Variants in PKHD1 observed in about 807,000 individuals in gnomAD.
PKHD1 encodes the protein fibrocystin.
Under a neutral mutation model 412.0 loss-of-function variants are expected in PKHD1, and 291 were observed. The ratio of observed to expected loss-of-function variants is 0.71; its 90% CI spans 0.64 to 0.78. The LOEUF (loss-of-function observed/expected upper bound fraction) is 0.78, where lower values mean the gene tolerates loss of function less well. PKHD1 is among the 30% of genes least tolerant of loss of function. The pLI is 0.00. For missense variants in PKHD1, 4,825 were observed against 4,950.7 expected (o/e 0.97, Z 0.76); for synonymous variants, 1,777 against 1,821.5 (o/e 0.98, Z 0.62).
rs553097124 is a variant in PKHD1, at chr6:51,685,326, CCT to C, written c.10157-25359_10157-25358del. Among the ~76,000 whole-genome samples, 13 of 152,094 alleles carry C rather than the reference CCT, an allele frequency of 8.5e-5. No homozygotes were observed. In the South Asian group the frequency reaches 2.7e-3, roughly 32 times the overall value. On this transcript the variant is annotated intron_variant, in intron 60 of 66. Coordinates refer to ENST00000371117, the MANE Select transcript of PKHD1 (RefSeq NM_138694.4). ...TTGGTCATAAAATTAACCAGATTTT[CCT>C]CTCTTTTCTTTTCCTCTTCAGCATT...
intron 60 of PKHD1, among the ~76,000 whole-genome samples, chr6:51,724,580 C>T (rs1441336947): frequency 6.6e-6 from 1 of 152,170 alleles, no homozygotes; most frequent in East Asian, 1.9e-4. Context: ...ATCTATCTAT[C>T]TATCCATCTA....
chr6:52,004,560 C>T (rs1798828106), intron 35 of PKHD1, among the ~76,000 whole-genome samples: 2 of 152,088 alleles, frequency 1.3e-5, no homozygotes, highest in South Asian at 4.1e-4. Context: ...ATGCCATGTT[C>T]TTGAAGGTGG....
Position 51,812,337 on chromosome 6 carries a change from C to T in PKHD1, c.8302+18524G>A, listed in dbSNP as rs941467425. 4.6e-5 allele frequency among the ~76,000 whole-genome samples: 7 copies of T among 152,202 alleles called. No individual in the cohort carries two copies. In the South Asian group the frequency reaches 1.2e-3, roughly 27 times the overall value. On this transcript the variant is annotated intron_variant, in intron 52 of 66. Coordinates refer to ENST00000371117, the MANE Select transcript of PKHD1 (RefSeq NM_138694.4). ...AAAGTTAAGAAACCAAAATAAAATACAATAAAAATTCTAAGCCTCCCAACC... is the reference window on the plus strand; with the variant it reads ...AAAGTTAAGAAACCAAAATAAAATATAATAAAAATTCTAAGCCTCCCAACC...
chr6:51,991,837 T>A (rs2128072688), intron 35 of PKHD1, among the ~76,000 whole-genome samples: 1 of 152,378 alleles, frequency 6.6e-6, no homozygotes, highest in East Asian at 1.9e-4. Context: ...GTTAATCTTA[T>A]GACCATTCCA....
chr6:51,866,633 T>C (rs1775103257), intron 48 of PKHD1, among the ~76,000 whole-genome samples: 1 of 152,108 alleles, frequency 6.6e-6, no homozygotes, highest in South Asian at 2.1e-4. Context: ...CACGCAGAAA[T>C]AAATATTATA....
At chr6:51,852,653 T>C (rs557267121) in intron 49 of PKHD1, among the ~76,000 whole-genome samples, 67 of 152,216 alleles carry the variant, frequency 4.4e-4, no homozygotes, top group Non-Finnish European at 9.1e-4. Context: ...CCTTTACCAT[T>C]ATGTAATACC....
At chr6:52,056,812 A>C (rs1387689444) in intron 17 of PKHD1, 24 bp from the exon 18 acceptor site, 10 of 1,597,388 alleles carry the variant, frequency 6.3e-6, no homozygotes, top group Non-Finnish European at 6.9e-6. Context: ...AAAAAATGCC[A>C]GGAATTTATA....
intron 35 of PKHD1, among the ~76,000 whole-genome samples, chr6:52,006,353 TTTGTTGTTGTTG>T (rs34912833): frequency 7.2e-6 from 1 of 139,312 alleles, no homozygotes; most frequent in South Asian, 2.4e-4. Flanking sequence ...TGGTTTGTTT[TTTGTTGTTGTTG>T]TTGTTGTTGT....
At chr6:51,964,460 G>A (rs1428828848) in intron 35 of PKHD1, among the ~76,000 whole-genome samples, 4 of 152,030 alleles carry the variant, frequency 2.6e-5, no homozygotes, top group Admixed American at 2.0e-4. Flanking sequence ...TCTCCACTCC[G>A]TATCCTTCTT....
intron 34 of PKHD1, among the ~76,000 whole-genome samples, chr6:52,014,700 A>AGATGGATGGATGGATGGATG: frequency 1.2e-5 from 1 of 80,766 alleles, no homozygotes; most frequent in African/African-American, 4.6e-5. Flanking sequence ...TATACTGGAT[A>AGATGGATGGATGGATGGATG]GATGGATGGA....
At chr6:51,801,512 A>G (rs1012613189) in intron 52 of PKHD1, among the ~76,000 whole-genome samples, 5 of 97,430 alleles carry the variant, frequency 5.1e-5, no homozygotes, top group Non-Finnish European at 1.2e-4. Context: ...TACTCTGCCC[A>G]TCATTTTTTT....
intron 63 of PKHD1, among the ~76,000 whole-genome samples, chr6:51,639,295 G>A (rs1409169750): frequency 6.6e-6 from 1 of 151,848 alleles, no homozygotes; most frequent in Admixed American, 6.6e-5. Flanking sequence ...GTGGTACTGG[G>A]GTTACAGCCC....
chr6:52,022,047 G>A (rs1350140029), intron 33 of PKHD1, among the ~76,000 whole-genome samples: 6 of 152,210 alleles, frequency 3.9e-5, no homozygotes, highest in Non-Finnish European at 8.8e-5. Context: ...TATCTCAAAT[G>A]TAGTAAGGTC....
At chr6:51,864,914 G>A (rs960159804) in intron 48 of PKHD1, among the ~76,000 whole-genome samples, 11 of 151,746 alleles carry the variant, frequency 7.2e-5, no homozygotes, top group Non-Finnish European at 1.0e-4. Context: ...TACTTGTTTC[G>A]TGTAATTATT....
chr6:52,072,799 T>C (rs1810829702), intron 7 of PKHD1, among the ~76,000 whole-genome samples: 1 of 152,178 alleles, frequency 6.6e-6, no homozygotes, highest in African/African-American at 2.4e-5. Flanking sequence ...TATAGTAAGA[T>C]CATTTTCCTT....
chr6:51,895,332 C>A (rs938992629), intron 43 of PKHD1, among the ~76,000 whole-genome samples: 2 of 152,062 alleles, frequency 1.3e-5, no homozygotes, highest in Admixed American at 1.3e-4. Flanking sequence ...ACATCACAGA[C>A]AATAGAATGC....
intron 35 of PKHD1, among the ~76,000 whole-genome samples, chr6:51,974,493 A>AT (rs1216741371): frequency 6.6e-6 from 1 of 152,248 alleles, no homozygotes; most frequent in African/African-American, 2.4e-5. Context: ...AACCAGGATG[A>AT]TAAGAAGACA....
chr6:51,617,957 T>C lies in PKHD1; in HGVS notation c.*1124A>G, dbSNP rs1375226471. On this transcript the variant is annotated 3_prime_UTR_variant, in exon 67 of 67. Coordinates refer to ENST00000371117, the MANE Select transcript of PKHD1 (RefSeq NM_138694.4). ...AAGCTCTCCACATTCCTGCGATCTT[T>C]TCTTTACATGCTTGGAGCATAAGGC... 1 of 152,190 alleles carries C rather than the reference T, an allele frequency of 6.6e-6. No homozygotes were observed. Among genetic ancestry groups the C allele is most frequent in the Non-Finnish European group, 1.5e-5 (1 of 68,034 alleles). 9.4% of individuals were successfully genotyped at this position (152,190 alleles called of 1,614,324 possible).
At chr6:51,682,518 A>T (rs1776825172) in intron 60 of PKHD1, among the ~76,000 whole-genome samples, 1 of 152,060 alleles carries the variant, frequency 6.6e-6, no homozygotes, top group African/African-American at 2.4e-5. Flanking sequence ...AGTCTCTGAG[A>T]ATGAGTTATT....
Sources: gnomAD v4.1 joint callset for allele counts (sites outside exome capture counted in the v4.1 genomes callset) on GRCh38, gnomAD v4.1.1 for gene constraint, MANE v1.5 for transcripts, NCBI Gene and HGNC (gene_info 2026-07-23, HGNC 2026-07-21) for gene names.